The following RBFOX1 variants were observed in gnomAD, a reference collection of about 807,000 sequenced individuals.
The protein encoded by RBFOX1 is RNA binding fox-1 homolog 1, also known as RNA binding protein fox-1 homolog 1.
Under a neutral mutation model 57.7 loss-of-function variants are expected in RBFOX1, and 8 were observed. That is an observed-to-expected ratio of 0.14 (90% CI 0.08 to 0.25). The LOEUF (loss-of-function observed/expected upper bound fraction) is 0.25. RBFOX1 is among the 10% of genes least tolerant of loss of function. The pLI is 1.00. For missense variants in RBFOX1, 611 were observed against 548.5 expected, an observed-to-expected ratio of 1.11 and a Z score of -1.14; for synonymous variants, 326 against 222.4, an observed-to-expected ratio of 1.47 and a Z score of -4.15.
At chr16:6,888,144 T>A (rs772518765) in intron 3 of RBFOX1, among the ~76,000 whole-genome samples, 1 of 152,152 alleles carries the variant, frequency 6.6e-6, no homozygotes, top group East Asian at 1.9e-4. Flanking sequence ...TTATTTAGGA[T>A]TTAAGAACAG....
chr16:7,228,128 G>C (rs1403625740), intron 4 of RBFOX1, among the ~76,000 whole-genome samples: 1 of 152,270 alleles, frequency 6.6e-6, no homozygotes, highest in African/African-American at 2.4e-5. Flanking sequence ...AGGTGGCAAA[G>C]ATGAGAGTAT....
At chr16:5,920,668 G>A (rs868702721) in intron 4 of RBFOX1, among the ~76,000 whole-genome samples, 10 of 152,128 alleles carry the variant, frequency 6.6e-5, no homozygotes, top group Non-Finnish European at 1.0e-4. Context: ...GCAGCGGGGA[G>A]ACCAGGAGCG....
intron 4 of RBFOX1, among the ~76,000 whole-genome samples, chr16:5,969,932 C>T (rs1014288736): frequency 2.6e-5 from 4 of 152,042 alleles, no homozygotes; most frequent in South Asian, 2.1e-4. Context: ...GGAGTTTGAA[C>T]GTTTGCAGGG....
intron 4 of RBFOX1, among the ~76,000 whole-genome samples, chr16:5,893,465 A>T (rs1255703720): frequency 6.6e-6 from 1 of 151,982 alleles, no homozygotes; most frequent in Non-Finnish European, 1.5e-5. Flanking sequence ...GGTAATGGAG[A>T]CCCCATTTAA....
intron 3 of RBFOX1, among the ~76,000 whole-genome samples, chr16:6,754,522 A>G (rs960142354): frequency 6.6e-6 from 1 of 152,098 alleles, no homozygotes; most frequent in Non-Finnish European, 1.5e-5. Flanking sequence ...TCGGGTTCCC[A>G]CTGCTCCCTC....
chr16:6,222,385 G>T (rs2152882448), intron 1 of RBFOX1, among the ~76,000 whole-genome samples: 1 of 152,038 alleles, frequency 6.6e-6, no homozygotes, highest in African/African-American at 2.4e-5. Context: ...ATAACAAAAA[G>T]GGTTAGACAA....
chr16:6,525,528 A>T (rs1196146837), intron 2 of RBFOX1, among the ~76,000 whole-genome samples: 2 of 152,216 alleles, frequency 1.3e-5, no homozygotes, highest in Non-Finnish European at 2.9e-5. Flanking sequence ...ATAACAAAAC[A>T]TCACAGACTG....
At chr16:7,466,968 C>G (rs1195743844) in intron 4 of RBFOX1, among the ~76,000 whole-genome samples, 2 of 152,188 alleles carry the variant, frequency 1.3e-5, no homozygotes, top group African/African-American at 2.4e-5. Context: ...AGCACCCACT[C>G]TGCTCCAGGG....
intron 3 of RBFOX1, among the ~76,000 whole-genome samples, chr16:6,841,377 CA>C (rs1408215610): frequency 6.6e-6 from 1 of 152,132 alleles, no homozygotes; most frequent in Non-Finnish European, 1.5e-5. Context: ...GAAATAGCCT[CA>C]CTCACACTAA....
In RBFOX1 at chr16:6,940,851, CTGTG is replaced by C. The variant is rs1009221597; in HGVS notation, c.-15-111170_-15-111167del. On this transcript the variant is annotated intron_variant, in intron 3 of 15. Transcript: ENST00000550418. ...GCGCCTGCCACCATGTCCGGCTAGT[CTGTG>C]TGTGTGTGTGTGTGTGTGTGTGTGT... is the stretch of plus-strand genomic sequence containing the variant. Among the ~76,000 whole-genome samples, 9 of 126,982 alleles carry C rather than the reference CTGTG, an allele frequency of 7.1e-5. 1 individual carries two copies. The highest frequency in any genetic ancestry group is 1.6e-4 in the Admixed American group (2 of 12,788). 83.3% of individuals were successfully genotyped at this position (126,982 alleles called of 152,430 possible).
At chr16:6,964,785 GT>G in intron 3 of RBFOX1, among the ~76,000 whole-genome samples, 1 of 152,304 alleles carries the variant, frequency 6.6e-6, no homozygotes, top group African/African-American at 2.4e-5. Context: ...CAGCAGGGCT[GT>G]TTGAAAAGCT....
At chr16:6,829,106 T>C (rs2092478327) in intron 3 of RBFOX1, among the ~76,000 whole-genome samples, 4 of 152,126 alleles carry the variant, frequency 2.6e-5, no homozygotes, top group Admixed American at 2.6e-4. Context: ...CCAAGCCCAC[T>C]AGTATCAGTA....
intron 2 of RBFOX1, among the ~76,000 whole-genome samples, chr16:6,619,925 G>A (rs75009608): frequency 0.077 from 11,667 of 151,970 alleles, 671 homozygotes; most frequent in African/African-American, 0.15. Context: ...TGTTCTCATG[G>A]TTTAAGTCCC....
In RBFOX1 at chr16:6,957,984, G is replaced by C. The variant is rs558470221; in HGVS notation, c.-15-94073G>C. Among the ~76,000 whole-genome samples the C allele has an allele frequency of 6.6e-5, 10 of 152,248 alleles. No individual in the cohort carries two copies. The East Asian group carries it at 1.9e-3, about 29-fold the overall frequency. On this transcript the variant is annotated intron_variant, in intron 3 of 15. Coordinates refer to ENST00000550418, the MANE Select transcript of RBFOX1 (RefSeq NM_018723.4). Reference sequence around the variant, plus strand: ...ATATTCTCTTGGTTACACAGGACCAGCTCCTGCATAGGGTGGGAAGGGACT... The same window carrying C: ...ATATTCTCTTGGTTACACAGGACCACCTCCTGCATAGGGTGGGAAGGGACT...
intron 3 of RBFOX1, among the ~76,000 whole-genome samples, chr16:5,626,577 C>A (rs1008949224): frequency 2.6e-5 from 4 of 152,160 alleles, no homozygotes; most frequent in Non-Finnish European, 5.9e-5. Flanking sequence ...TCCTGGAATA[C>A]CCCTGTTCCT....
intron 1 of RBFOX1, among the ~76,000 whole-genome samples, chr16:5,247,040 T>C (rs1228924716): frequency 2.6e-5 from 4 of 152,222 alleles, no homozygotes; most frequent in Non-Finnish European, 4.4e-5. Flanking sequence ...GCCTGGCTTA[T>C]TTCACTTAAC....
At chr16:5,396,915 A>C (rs565734608) in intron 1 of RBFOX1, among the ~76,000 whole-genome samples, 3 of 152,198 alleles carry the variant, frequency 2.0e-5, no homozygotes, top group Admixed American at 1.3e-4. Context: ...TTGGAGATCC[A>C]CCTTGTCCAG....
chr16:6,897,922 G>A (rs997083773), intron 3 of RBFOX1, among the ~76,000 whole-genome samples: 19 of 152,086 alleles, frequency 1.2e-4, no homozygotes, highest in African/African-American at 3.6e-4. Context: ...TCTCAGACAC[G>A]AGCTACCCTC....
intron 2 of RBFOX1, among the ~76,000 whole-genome samples, chr16:6,487,701 AT>A (rs1439855256): frequency 0.041 from 179 of 4,394 alleles, 5 homozygotes; most frequent in East Asian, 0.098. Flanking sequence ...AAAAAAAAAA[AT>A]ATATATATAT....
Sources: gnomAD v4.1 joint callset for allele counts (sites outside exome capture counted in the v4.1 genomes callset) on GRCh38, gnomAD v4.1.1 for gene constraint, MANE v1.5 for transcripts, NCBI Gene and HGNC (gene_info 2026-07-23, HGNC 2026-07-21) for gene names.